Variants in GCSAML observed in about 807,000 individuals in gnomAD.
The protein encoded by GCSAML is germinal center associated signaling and motility like, also known as germinal center-associated signaling and motility-like protein.
Under a neutral mutation model 13.0 loss-of-function variants are expected in GCSAML, and 9 were observed. That is an observed-to-expected ratio of 0.69 (90% CI 0.42 to 1.21). The LOEUF (loss-of-function observed/expected upper bound fraction) is 1.21. Ranked by LOEUF, GCSAML falls within the 50% of genes most tolerant of loss-of-function variation. The pLI, the probability that GCSAML is intolerant of heterozygous loss-of-function variation, is 0.00. For synonymous variants in GCSAML, 37 were observed against 52.9 expected, an observed-to-expected ratio of 0.70 and a Z score of 1.31; for missense variants, 143 against 153.4, an observed-to-expected ratio of 0.93 and a Z score of 0.36.
intron 3 of GCSAML, among the ~76,000 whole-genome samples, chr1:247,565,214 T>C (rs1185012): frequency 6.6e-6 from 1 of 151,952 alleles, no homozygotes. Context: ...AAAAATTAGC[T>C]GGGCATGGTG....
intron 1 of GCSAML, among the ~76,000 whole-genome samples, chr1:247,555,379 A>G (rs1222655154): frequency 1.3e-5 from 2 of 152,240 alleles, no homozygotes; most frequent in Non-Finnish European, 2.9e-5. Flanking sequence ...TAAACATTAC[A>G]TCCAGATTTG....
chr1:247,517,738 G>A (rs1042303496), intron 1 of GCSAML, among the ~76,000 whole-genome samples: 1 of 152,178 alleles, frequency 6.6e-6, no homozygotes, highest in Non-Finnish European at 1.5e-5. Context: ...GCAGGCAAGT[G>A]AGACTCGCTA....
intron 1 of GCSAML, among the ~76,000 whole-genome samples, chr1:247,552,258 A>G (rs1487946839): frequency 6.6e-6 from 1 of 152,236 alleles, no homozygotes; most frequent in Non-Finnish European, 1.5e-5. Flanking sequence ...TTCATCAGGA[A>G]CAACCAAAAT....
intron 4 of GCSAML, among the ~76,000 whole-genome samples, chr1:247,572,108 T>A (rs1668638717): frequency 6.6e-6 from 1 of 152,196 alleles, no homozygotes; most frequent in African/African-American, 2.4e-5. Flanking sequence ...TCCTGTAACC[T>A]TTTTTCAAGG....
In GCSAML at chr1:247,527,070, C is replaced by G; in HGVS notation, c.-148+16C>G. The G allele has an allele frequency of 2.2e-6, 1 of 456,658 alleles. No individual in the cohort carries two copies. The highest frequency in any genetic ancestry group is 4.4e-6 in the Non-Finnish European group (1 of 226,954). 28.3% of individuals were successfully genotyped at this position (456,658 alleles called of 1,614,324 possible). On this transcript the variant is annotated intron_variant, in intron 2 of 5. Transcript: ENST00000366489. This position sits in a 1 kb window ranked among gnomAD's most constrained non-coding sequence, Gnocchi z 4.6. Reference sequence around the variant, plus strand: ...CCAATCTGAGGTACAAATCACATTTCAAGTGTATTTCCTTGGGTTCTGGAG... The same window carrying G: ...CCAATCTGAGGTACAAATCACATTTGAAGTGTATTTCCTTGGGTTCTGGAG...
chr1:247,534,380 A>G (rs763090050), intron 2 of GCSAML, among the ~76,000 whole-genome samples: 1 of 152,138 alleles, frequency 6.6e-6, no homozygotes, highest in Non-Finnish European at 1.5e-5. Context: ...GCAGGACTAG[A>G]GTAATATGAA....
At chr1:247,519,283 T>G (rs1666333663) in intron 1 of GCSAML, 1 of 152,188 alleles carries the variant, frequency 6.6e-6, no homozygotes, top group Admixed American at 6.5e-5. Context: ...TTAGTGGGGT[T>G]TTACAGGCAG....
chr1:247,531,579 ACAGCAGTTCTCTAATACCAT>A, intron 2 of GCSAML: 9 of 1,614,070 alleles, frequency 5.6e-6, no homozygotes, highest in Non-Finnish European at 7.6e-6. Flanking sequence ...CTGCAGAGCC[ACAGCAGTTCTCTAATACCAT>A]GTGCCGGAGG....
At chr1:247,530,287 G>A (rs1205308660) in intron 2 of GCSAML, 2 of 152,198 alleles carry the variant, frequency 1.3e-5, no homozygotes, top group African/African-American at 4.8e-5. Flanking sequence ...GTGAACTCTA[G>A]TGATAGGTTA....
chr1:247,544,689 A>C (rs1301493120), upstream of GCSAML, among the ~76,000 whole-genome samples: 1 of 152,124 alleles, frequency 6.6e-6, no homozygotes, highest in Non-Finnish European at 1.5e-5. Flanking sequence ...TCTCTACCAA[A>C]AAAAACAAAA....
At chr1:247,555,447 C>T (rs1667916072) in intron 1 of GCSAML, among the ~76,000 whole-genome samples, 1 of 152,164 alleles carries the variant, frequency 6.6e-6, no homozygotes, top group South Asian at 2.1e-4. Flanking sequence ...CTATAAAAAG[C>T]CCCCACCTCT....
chr1:247,518,097 C>A (rs1666278472), intron 1 of GCSAML, among the ~76,000 whole-genome samples: 1 of 152,244 alleles, frequency 6.6e-6, no homozygotes. Context: ...TGCTAGTTAA[C>A]CGCGGGGGCT....
chr1:247,561,874 G>A (rs6685994), intron 2 of GCSAML, among the ~76,000 whole-genome samples: 151,754 of 152,134 alleles, frequency 1, 75,688 homozygotes, highest in Middle Eastern at 1. Flanking sequence ...AACTGAGGGC[G>A]GCTCACCCGG....
rs975591294 is a variant in GCSAML at position 247,556,443 on chromosome 1, A to G, written c.66A>G (p.Gly22=). The G allele has an allele frequency of 8.1e-6, 13 of 1,611,944 alleles. No individual in the cohort carries two copies. The highest frequency in any genetic ancestry group is 1.7e-6 in the Non-Finnish European group (2 of 1,178,460). ...LGENQKKPKK[G]NPDEERKRQE... is the part of the protein sequence containing the mutation. The stretch of plus-strand genomic sequence containing the variant: ...AGAATCAAAAGAAGCCCAAGAAAGG[A>G]AACCCAGATGAGGAAAGAAAACGGT... Residue 22 remains glycine, a synonymous_variant, in exon 2 of 5, where the codon GGA becomes GGG. Coordinates refer to ENST00000366488, the MANE Select transcript of GCSAML (RefSeq NM_145278.5).
At position 247,576,691 on chromosome 1, in the gene GCSAML, C is replaced by G. The variant is rs1457315936; in HGVS notation, c.*2309C>G. 3.3e-5 allele frequency: 5 copies of G among 152,146 alleles called. No homozygotes were observed. The highest frequency in any genetic ancestry group is 2.9e-5 in the Non-Finnish European group (2 of 68,020). The allele number at this position is 152,146 out of a possible 1,614,324, so 9.4% of individuals were successfully genotyped here. A position where few individuals can be genotyped will look rare whatever the true frequency, so the allele number is the denominator to read the frequency against. On this transcript the variant is annotated 3_prime_UTR_variant, in exon 5 of 5. Transcript: ENST00000366488. Reference sequence around the variant, plus strand: ...TTTGCTGTATACACATTTTGCCTCTCTATTCAACGAATTCTTATGCCCTCT... The same window carrying G: ...TTTGCTGTATACACATTTTGCCTCTGTATTCAACGAATTCTTATGCCCTCT...
intron 1 of GCSAML, among the ~76,000 whole-genome samples, chr1:247,520,150 A>G (rs1016526936): frequency 1.3e-5 from 2 of 152,246 alleles, no homozygotes; most frequent in Admixed American, 6.5e-5. Context: ...ATCTATTTCC[A>G]TGAACTACTT....
chr1:247,567,097 G>A (rs904504919), intron 4 of GCSAML, among the ~76,000 whole-genome samples: 3 of 150,676 alleles, frequency 2.0e-5, no homozygotes, highest in Non-Finnish European at 4.4e-5. Context: ...AGACACCAGG[G>A]CTTGGAGCAA....
chr1:247,512,474 A>C (rs1684924013), intron 1 of GCSAML, among the ~76,000 whole-genome samples: 1 of 151,778 alleles, frequency 6.6e-6, no homozygotes, highest in African/African-American at 2.4e-5. Context: ...AGCTCAGAGG[A>C]GTTTGTTATT....
At chr1:247,513,000 T>C (rs1666092909) in intron 1 of GCSAML, among the ~76,000 whole-genome samples, 1 of 152,202 alleles carries the variant, frequency 6.6e-6, no homozygotes, top group African/African-American at 2.4e-5. Context: ...AAGGACCCAC[T>C]TGAGGAGGCA....
Sources: gnomAD v4.1 joint callset for allele counts (sites outside exome capture counted in the v4.1 genomes callset) on GRCh38, gnomAD v4.1.1 for gene constraint, Gnocchi (gnomAD v3.1) non-coding constraint, MANE v1.5 for transcripts, NCBI Gene and HGNC (gene_info 2026-07-23, HGNC 2026-07-21) for gene names.